The following TRIM24 variants were observed in gnomAD, a reference collection of about 807,000 sequenced individuals.
TRIM24 encodes the protein transcription intermediary factor 1-alpha.
Under a neutral mutation model 123.9 loss-of-function variants are expected in TRIM24, and 29 were observed. The ratio of observed to expected loss-of-function variants is 0.23; its 90% confidence interval spans 0.17 to 0.32. The LOEUF is 0.32. Ranked by LOEUF, TRIM24 falls within the 10% of genes least tolerant of loss-of-function variation. The pLI is 1.00. For synonymous variants in TRIM24, 456 were observed against 461.1 expected, an observed-to-expected ratio of 0.99 and a Z score of 0.14; for missense variants, 932 against 1,295.3, an observed-to-expected ratio of 0.72 and a Z score of 4.31.
chr7:138,516,504 G>C (rs1252231247), intron 3 of TRIM24, among the ~76,000 whole-genome samples: 3 of 152,034 alleles, frequency 2.0e-5, no homozygotes, highest in African/African-American at 7.2e-5. Flanking sequence ...ACAGGTGTGC[G>C]CCACCATGTG....
chr7:138,568,951 A>C (rs1011037145), intron 10 of TRIM24, among the ~76,000 whole-genome samples: 3 of 152,090 alleles, frequency 2.0e-5, no homozygotes, highest in African/African-American at 7.2e-5. Context: ...TCGTATAATC[A>C]ATTTGCCTTT....
At chr7:138,482,883 C>T (rs573599612) in intron 1 of TRIM24, among the ~76,000 whole-genome samples, 2 of 152,132 alleles carry the variant, frequency 1.3e-5, no homozygotes, top group South Asian at 4.2e-4. Flanking sequence ...GAGCTTTTGG[C>T]CACTGTGCCT....
chr7:138,478,257 T>C (rs182441481), intron 1 of TRIM24, among the ~76,000 whole-genome samples: 461 of 152,244 alleles, frequency 3.0e-3, no homozygotes, highest in African/African-American at 9.9e-3. Context: ...TTATAAATCT[T>C]GGAATGTTGT....
intron 1 of TRIM24, among the ~76,000 whole-genome samples, chr7:138,478,511 C>T (rs1472492566): frequency 6.6e-6 from 1 of 152,130 alleles, no homozygotes; most frequent in African/African-American, 2.4e-5. Context: ...GCATCTTACT[C>T]TGCGGCCCAG....
At chr7:138,487,144 G>C (rs1186916086) in intron 1 of TRIM24, among the ~76,000 whole-genome samples, 1 of 152,098 alleles carries the variant, frequency 6.6e-6, no homozygotes, top group African/African-American at 2.4e-5. Flanking sequence ...CTGTTTGTCT[G>C]TTATTGGCGT....
rs1290593323 is a variant in TRIM24, at chr7:138,460,868, C to T, written c.320C>T (p.Ala107Val). The T allele has an allele frequency of 1.3e-6, 2 of 1,544,442 alleles. No individual in the cohort carries two copies. Among genetic ancestry groups the T allele is most frequent in the Admixed American group, 1.9e-5 (1 of 52,390 alleles). Residue 107 changes from alanine to valine, a missense_variant, in exon 1 of 19, where the codon GCC (alanine) becomes GTC (valine). Ala to Val is a moderately conservative substitution (Grantham distance 64). Transcript: ENST00000343526. ...GCCGAGACCCCGCCACCCGTCCCTG[C>T]CCCCGGCTCGCCGGTCAGCGGCTCG... ...GSAETPPPVP[A>V]PGSPVSGSSP... is the part of the protein sequence containing the mutation.
rs140171946 is a variant in TRIM24 at position 138,537,300 on chromosome 7, C to T, written c.997-1357C>T. 4.8e-3 allele frequency among the ~76,000 whole-genome samples: 727 copies of T among 149,970 alleles called. 3 individuals carry two copies. Among genetic ancestry groups the T allele is most frequent in the African/African-American group, 0.016 (639 of 40,852 alleles). On this transcript the variant is annotated intron_variant, in intron 6 of 18. Coordinates refer to ENST00000343526, the MANE Select transcript of TRIM24 (RefSeq NM_015905.3). Reference sequence around the variant, plus strand: ...AAATGCAGAAATCACCCATCTTCTGCGTCACTCACGCTGGGAGCTGTAGAC... The same window carrying T: ...AAATGCAGAAATCACCCATCTTCTGTGTCACTCACGCTGGGAGCTGTAGAC...
At chr7:138,575,790 ATC>A (rs1249159346) in intron 12 of TRIM24, among the ~76,000 whole-genome samples, 1 of 152,070 alleles carries the variant, frequency 6.6e-6, no homozygotes, top group Non-Finnish European at 1.5e-5. Context: ...TAGCTTCTTA[ATC>A]TTTTTAGGGC....
At chr7:138,462,171 C>T (rs1795001401) in intron 1 of TRIM24, among the ~76,000 whole-genome samples, 1 of 152,072 alleles carries the variant, frequency 6.6e-6, no homozygotes, top group Admixed American at 6.5e-5. Flanking sequence ...ATAACGTCTC[C>T]CTCTGGAGCG....
rs115873754 is a variant in TRIM24, at chr7:138,470,669, G to A, written c.364+9757G>A. 7.2e-3 allele frequency among the ~76,000 whole-genome samples: 1,096 copies of A among 152,248 alleles called. 9 individuals are homozygous for A. The highest frequency in any genetic ancestry group is 0.039 in the South Asian group (187 of 4,818). ...GGTACATGTATAATAACCTTAAAAAGTGATCGCTTGTTTCAATTAACGACA... is the reference window on the plus strand; with the variant it reads ...GGTACATGTATAATAACCTTAAAAAATGATCGCTTGTTTCAATTAACGACA... On this transcript the variant is annotated intron_variant, in intron 1 of 18. Coordinates refer to ENST00000343526, the MANE Select transcript of TRIM24 (RefSeq NM_015905.3).
At chr7:138,497,552 G>A (rs1228474686) in intron 1 of TRIM24, among the ~76,000 whole-genome samples, 1 of 150,890 alleles carries the variant, frequency 6.6e-6, no homozygotes, top group African/African-American at 2.4e-5. Context: ...CTACCACCAT[G>A]TACAGCTAAT....
intron 1 of TRIM24, among the ~76,000 whole-genome samples, chr7:138,488,699 A>C (rs1399109494): frequency 6.6e-6 from 1 of 152,158 alleles, no homozygotes; most frequent in East Asian, 1.9e-4. Flanking sequence ...TTGATTGCAC[A>C]GTGGTCTGTG....
intron 6 of TRIM24, among the ~76,000 whole-genome samples, chr7:138,532,208 T>C (rs1796762944): frequency 6.6e-6 from 1 of 151,868 alleles, no homozygotes; most frequent in Non-Finnish European, 1.5e-5. Flanking sequence ...GTGTAGAAGC[T>C]CTTTAGTTTA....
At chr7:138,532,355 C>T (rs1796766202) in intron 6 of TRIM24, among the ~76,000 whole-genome samples, 1 of 152,074 alleles carries the variant, frequency 6.6e-6, no homozygotes, top group Admixed American at 6.6e-5. Flanking sequence ...TTAGGTCTAA[C>T]ATTTAAGTCT....
intron 1 of TRIM24, among the ~76,000 whole-genome samples, chr7:138,467,007 T>C (rs1357911350): frequency 6.6e-6 from 1 of 152,224 alleles, no homozygotes; most frequent in African/African-American, 2.4e-5. Flanking sequence ...AAACTGTATG[T>C]TAAAACACCA....
intron 11 of TRIM24, among the ~76,000 whole-genome samples, chr7:138,573,240 T>C (rs1397508574): frequency 6.6e-6 from 1 of 152,234 alleles, no homozygotes; most frequent in African/African-American, 2.4e-5. Flanking sequence ...TTTCAATTTT[T>C]AAGAGTGTGA....
At chr7:138,537,858 C>T (rs966893194) in intron 6 of TRIM24, among the ~76,000 whole-genome samples, 2 of 152,152 alleles carry the variant, frequency 1.3e-5, no homozygotes, top group Admixed American at 1.3e-4. Context: ...TGTAGTATAG[C>T]AATTTTACTT....
intron 8 of TRIM24, among the ~76,000 whole-genome samples, chr7:138,551,892 T>G (rs780376971): frequency 6.6e-6 from 1 of 152,208 alleles, no homozygotes; most frequent in Non-Finnish European, 1.5e-5. Flanking sequence ...TTCTTTTGCC[T>G]GATCAGGTAA....
chr7:138,498,119 C>G (rs188746806), intron 1 of TRIM24, among the ~76,000 whole-genome samples: 309 of 152,092 alleles, frequency 2.0e-3, no homozygotes, highest in Non-Finnish European at 3.1e-3. Context: ...CTCCCAGGCT[C>G]AAGCCATCCT....
Sources: gnomAD v4.1 joint callset for allele counts (sites outside exome capture counted in the v4.1 genomes callset) on GRCh38, gnomAD v4.1.1 for gene constraint, MANE v1.5 for transcripts, NCBI Gene and HGNC (gene_info 2026-07-23, HGNC 2026-07-21) for gene names.